Variants in WDFY4 observed in about 807,000 individuals in gnomAD.
WDFY4 encodes the protein WDFY family member 4.
WDFY4 carries 169 observed loss-of-function variants against 351.9 expected under a neutral mutation model. That is an observed-to-expected ratio of 0.48 (90% CI 0.42 to 0.55). The LOEUF (loss-of-function observed/expected upper bound fraction) is 0.55, where lower values mean the gene tolerates loss of function less well. WDFY4 is among the 20% of genes least tolerant of loss of function. The pLI, the probability that WDFY4 is intolerant of heterozygous loss-of-function variation, is 0.00. For synonymous variants in WDFY4, 1,622 were observed against 1,574.6 expected (o/e 1.03, Z -0.71); for missense variants, 3,803 against 3,935.6 (o/e 0.97, Z 0.90).
At chr10:48,981,977 A>G (rs1398094816) in intron 61 of WDFY4, among the ~76,000 whole-genome samples, 1 of 152,174 alleles carries the variant, frequency 6.6e-6, no homozygotes, top group Non-Finnish European at 1.5e-5. Flanking sequence ...ACATCCTTGT[A>G]CACACTGCGA....
intron 12 of WDFY4, among the ~76,000 whole-genome samples, chr10:48,749,098 T>C (rs1054701360): frequency 6.6e-6 from 1 of 152,204 alleles, no homozygotes; most frequent in Non-Finnish European, 1.5e-5. Context: ...TTCCTAAGCA[T>C]GTGTGCGCCA....
chr10:48,775,907 T>C, intron 15 of WDFY4, 101 bp downstream of exon 15: 1 of 1,116,690 alleles, frequency 9.0e-7, no homozygotes, highest in Non-Finnish European at 1.3e-6. Context: ...GCAAACAGGT[T>C]TAAACATGGT....
intron 30 of WDFY4, among the ~76,000 whole-genome samples, chr10:48,813,059 C>T (rs571005740): frequency 6.6e-6 from 1 of 152,290 alleles, no homozygotes; most frequent in African/African-American, 2.4e-5. Flanking sequence ...AAATGTGTGC[C>T]TGCCTCCTTA....
rs1287019683 is a variant in WDFY4 at position 48,974,518 on chromosome 10, A to AAAAAAAAAAAAAAAAC, written c.8929-333_8929-332insAAAACAAAAAAAAAAA. Among the ~76,000 whole-genome samples, 11 of 27,974 alleles carry AAAAAAAAAAAAAAAAC rather than the reference A, an allele frequency of 3.9e-4. 4 individuals are homozygous for AAAAAAAAAAAAAAAAC. The highest frequency in any genetic ancestry group is 1.7e-3 in the Non-Finnish European group (9 of 5,272). 18.4% of individuals were successfully genotyped at this position (27,974 alleles called of 152,430 possible). On this transcript the variant is annotated intron_variant, in intron 57 of 61. Coordinates refer to ENST00000325239, the MANE Select transcript of WDFY4 (RefSeq NM_001394531.1). ...ACTCCGTCTCAAAAAAAAAAAAAAAAAAAAAAAAAAACAACTCATGACATG... is the reference window on the plus strand; with the variant it reads ...ACTCCGTCTCAAAAAAAAAAAAAAAAAAAAAAAAAAAAAAACAAAAAAAAAAACAACTCATGACATG...
intron 9 of WDFY4, 103 bp downstream of exon 9, chr10:48,731,665 T>C: frequency 7.7e-7 from 1 of 1,300,262 alleles, no homozygotes; most frequent in Middle Eastern, 2.6e-4. Context: ...AAAGTGAGCA[T>C]GCCCATGTCA....
At chr10:48,916,594 A>G (rs929638180) in intron 47 of WDFY4, among the ~76,000 whole-genome samples, 1 of 152,222 alleles carries the variant, frequency 6.6e-6, no homozygotes, top group Non-Finnish European at 1.5e-5. Flanking sequence ...CAACAGATTT[A>G]GAAAACAAAA....
chr10:48,859,358 C>T (rs951537928), intron 39 of WDFY4, among the ~76,000 whole-genome samples: 2 of 152,142 alleles, frequency 1.3e-5, no homozygotes, highest in Non-Finnish European at 1.5e-5. Flanking sequence ...GTAGAGTTTT[C>T]GTAGATGCCC....
At chr10:48,821,510 C>T (rs752978222) in intron 34 of WDFY4, among the ~76,000 whole-genome samples, 2 of 152,228 alleles carry the variant, frequency 1.3e-5, no homozygotes, top group Non-Finnish European at 2.9e-5. Context: ...TTTAACCTTC[C>T]GTGCTCAGCA....
chr10:48,827,432 A>G (rs1225842473), intron 36 of WDFY4, among the ~76,000 whole-genome samples: 2 of 149,926 alleles, frequency 1.3e-5, no homozygotes, highest in Admixed American at 6.6e-5. Flanking sequence ...TTGAAGCCCC[A>G]AGTTTGGAAA....
At chr10:48,747,324 A>G (rs2065044238) in intron 12 of WDFY4, among the ~76,000 whole-genome samples, 1 of 152,068 alleles carries the variant, frequency 6.6e-6, no homozygotes, top group African/African-American at 2.4e-5. Context: ...ACTGTCATAT[A>G]TCTCAATGTA....
At chr10:48,927,464 G>A (rs1012399183) in intron 47 of WDFY4, among the ~76,000 whole-genome samples, 13 of 152,106 alleles carry the variant, frequency 8.5e-5, no homozygotes, top group African/African-American at 2.4e-4. Context: ...TTCCCATTAC[G>A]TCAAAACTTC....
At chr10:48,895,473 G>A (rs1837031024) in intron 44 of WDFY4, among the ~76,000 whole-genome samples, 1 of 152,216 alleles carries the variant, frequency 6.6e-6, no homozygotes, top group South Asian at 2.1e-4. Context: ...TGGCACACAG[G>A]CTTCTTGAGG....
intron 1 of WDFY4, among the ~76,000 whole-genome samples, chr10:48,703,888 G>T (rs1036822848): frequency 7.2e-5 from 11 of 152,182 alleles, no homozygotes; most frequent in Non-Finnish European, 1.3e-4. Flanking sequence ...CCTGCAGGGT[G>T]GGTGGGGTGC....
chr10:48,710,762 T>A (rs1486216619), intron 2 of WDFY4, among the ~76,000 whole-genome samples: 1 of 152,200 alleles, frequency 6.6e-6, no homozygotes, highest in East Asian at 1.9e-4. Flanking sequence ...CACCAGAGCT[T>A]CACTCACATC....
chr10:48,818,744 A>G (rs1030857678), intron 32 of WDFY4, among the ~76,000 whole-genome samples: 1 of 152,274 alleles, frequency 6.6e-6, no homozygotes, highest in African/African-American at 2.4e-5. Flanking sequence ...AAGTTTCACA[A>G]AAAGATAACA....
chr10:48,954,658 G>A (rs1398907264), intron 51 of WDFY4, among the ~76,000 whole-genome samples: 1 of 152,032 alleles, frequency 6.6e-6, no homozygotes, highest in Non-Finnish European at 1.5e-5. Flanking sequence ...AGCCACCAGA[G>A]TTTACATCAA....
intron 47 of WDFY4, among the ~76,000 whole-genome samples, chr10:48,914,898 G>A (rs1463147944): frequency 1.3e-5 from 2 of 152,194 alleles, no homozygotes; most frequent in Non-Finnish European, 2.9e-5. Flanking sequence ...AAAGCTCATG[G>A]AGAATGCTGC....
intron 13 of WDFY4, among the ~76,000 whole-genome samples, chr10:48,765,064 G>C (rs2065625320): frequency 6.6e-6 from 1 of 152,246 alleles, no homozygotes; most frequent in Non-Finnish European, 1.5e-5. Context: ...AGCTGGGCTA[G>C]AATAGAACAC....
At chr10:48,772,785 G>C (rs1238895463) in intron 13 of WDFY4, among the ~76,000 whole-genome samples, 1 of 149,778 alleles carries the variant, frequency 6.7e-6, no homozygotes, top group Admixed American at 6.6e-5. Flanking sequence ...CTATGAGTGA[G>C]AATATGCGGT....
Sources: gnomAD v4.1 joint callset for allele counts (sites outside exome capture counted in the v4.1 genomes callset) on GRCh38, gnomAD v4.1.1 for gene constraint, MANE v1.5 for transcripts, NCBI Gene and HGNC (gene_info 2026-07-23, HGNC 2026-07-21) for gene names.